JRK: variants seen among roughly 807,000 people sequenced by gnomAD.
JRK encodes the protein Jrk helix-turn-helix protein.
For synonymous variants in JRK, 303 were observed against 218.1 expected, an observed-to-expected ratio of 1.39 and a Z score of -3.43; for missense variants, 720 against 509.2, an observed-to-expected ratio of 1.41 and a Z score of -3.98.
At chr8:142,647,818 G>A in the JRK span, among the ~76,000 whole-genome samples, 1 of 152,218 alleles carries the variant, frequency 6.6e-6, no homozygotes, top group Non-Finnish European at 1.5e-5. Context: ...GCAGGGGTTG[G>A]AACAGTTTGG....
Position 142,663,496 on chromosome 8 carries a change from C to T in JRK, c.*856G>A, listed in dbSNP as rs985748493. On this transcript the variant is annotated 3_prime_UTR_variant, in exon 2 of 2. Transcript: ENST00000612905. ...CTAATCTCTGAATGTCTGATCAAGA[C>T]GTATTCATGTAAAGGCCATAAGTAT... 13 of 985,338 alleles carry T rather than the reference C, an allele frequency of 1.3e-5. No individual in the cohort carries two copies. The highest frequency in any genetic ancestry group is 6.1e-5 in the Admixed American group (1 of 16,276). 61.0% of individuals were successfully genotyped at this position (985,338 alleles called of 1,614,324 possible). A position where few individuals can be genotyped will look rare whatever the true frequency, so the allele number is the denominator to read the frequency against.
At chr8:142,669,583 C>T (rs1554636927) in intron 1 of JRK, among the ~76,000 whole-genome samples, 1 of 152,136 alleles carries the variant, frequency 6.6e-6, no homozygotes, top group Non-Finnish European at 1.5e-5. Context: ...GACCTCGTGA[C>T]CAAGCCTCTC....
At position 142,659,305 on chromosome 8, in the gene JRK, A is replaced by G. The variant is rs1461795887; in HGVS notation, c.*5047T>C. 2.2e-5 allele frequency: 23 copies of G among 1,023,846 alleles called. No homozygotes were observed. The highest frequency in any genetic ancestry group is 2.6e-5 in the Non-Finnish European group (22 of 853,482). 63.4% of individuals were successfully genotyped at this position (1,023,846 alleles called of 1,614,324 possible). A position where few individuals can be genotyped will look rare whatever the true frequency, so the allele number is the denominator to read the frequency against. On this transcript the variant is annotated 3_prime_UTR_variant, in exon 2 of 2. Coordinates refer to ENST00000612905, the MANE Select transcript of JRK (RefSeq NM_003724.4). ...GGACCAGGGCAAGACGCCTGACCCC[A>G]GAGCAGACCATGCTGACACTGGGCA...
chr8:142,653,541 T>A (rs1846701950), downstream of JRK, among the ~76,000 whole-genome samples: 1 of 150,328 alleles, frequency 6.7e-6, no homozygotes, highest in Non-Finnish European at 1.5e-5. Context: ...TCCTGGCTAT[T>A]TTTTTTTTAA....
chr8:142,664,309 G>A lies in JRK; in HGVS notation c.*43C>T, dbSNP rs781855909. 5.9e-6 allele frequency: 9 copies of A among 1,515,272 alleles called. No individual in the cohort carries two copies. The highest frequency in any genetic ancestry group is 6.2e-6 in the Non-Finnish European group (7 of 1,130,574). The allele number at this position is 1,515,272 out of a possible 1,614,324, so 93.9% of individuals were successfully genotyped here. On this transcript the variant is annotated 3_prime_UTR_variant, in exon 2 of 2. Coordinates refer to ENST00000612905, the MANE Select transcript of JRK (RefSeq NM_003724.4). ...ACAGGACCATGCCACTCCAGGGTGT[G>A]GGGAGAAACAGGGCCAGTGGCCAGG...
chr8:142,646,470 G>T, the JRK span, among the ~76,000 whole-genome samples: 1 of 152,314 alleles, frequency 6.6e-6, no homozygotes, highest in South Asian at 2.1e-4. Flanking sequence ...TCTTATTAAA[G>T]ATTACACAAG....
In JRK at chr8:142,664,140, G is replaced by A. The variant is rs956661952; in HGVS notation, c.*212C>T. 1.5e-6 allele frequency: 2 copies of A among 1,331,962 alleles called. No individual in the cohort carries two copies. Among genetic ancestry groups the A allele is most frequent in the East Asian group, 2.8e-5 (1 of 36,270 alleles). 82.5% of individuals were successfully genotyped at this position (1,331,962 alleles called of 1,614,324 possible). ...CATTTCCTCACTTTCGGATGACACG[G>A]CAAGTGATAAAATAAAACCTGTATT... is the stretch of plus-strand genomic sequence containing the variant. On this transcript the variant is annotated 3_prime_UTR_variant, in exon 2 of 2. Coordinates refer to ENST00000612905, the MANE Select transcript of JRK (RefSeq NM_003724.4).
the JRK span, among the ~76,000 whole-genome samples, chr8:142,649,703 T>G: frequency 6.6e-6 from 1 of 152,206 alleles, no homozygotes; most frequent in South Asian, 2.1e-4. Context: ...CCACCTAGGT[T>G]TCAGAGGGTG....
In JRK at chr8:142,663,408, A is replaced by G; in HGVS notation, c.*944T>C. On this transcript the variant is annotated 3_prime_UTR_variant, in exon 2 of 2. Transcript: ENST00000612905. ...CTAACAGCTGGGGATAAGAGCACAC[A>G]TACTGCTAGAAATCTAAGCAGCCTG... 1 of 985,508 alleles carries G rather than the reference A, an allele frequency of 1.0e-6. No individual in the cohort carries two copies. Among genetic ancestry groups the G allele is most frequent in the Non-Finnish European group, 1.2e-6 (1 of 829,952 alleles). 61.0% of individuals were successfully genotyped at this position (985,508 alleles called of 1,614,324 possible).
the JRK span, among the ~76,000 whole-genome samples, chr8:142,647,115 G>A: frequency 2.0e-5 from 3 of 152,176 alleles, no homozygotes; most frequent in Non-Finnish European, 4.4e-5. Context: ...TCATATGATT[G>A]TGTAAGGAGA....
downstream of JRK, among the ~76,000 whole-genome samples, chr8:142,655,050 G>A (rs1369492381): frequency 6.6e-6 from 1 of 152,148 alleles, no homozygotes; most frequent in African/African-American, 2.4e-5. Flanking sequence ...TTGAGCCACA[G>A]CTGGAACCAT....
downstream of JRK, among the ~76,000 whole-genome samples, chr8:142,652,734 T>C (rs1384684276): frequency 2.0e-5 from 3 of 152,146 alleles, no homozygotes; most frequent in Admixed American, 6.5e-5. Flanking sequence ...GGAGCCCCAG[T>C]GTATTTTCCT....
chr8:142,650,733 G>T, the JRK span, among the ~76,000 whole-genome samples: 1 of 152,052 alleles, frequency 6.6e-6, no homozygotes. Flanking sequence ...GCCCAGTTTC[G>T]GGCATGTCTT....
Position 142,659,793 on chromosome 8 carries a change from C to A in JRK, c.*4559G>T. On this transcript the variant is annotated 3_prime_UTR_variant, in exon 2 of 2. Coordinates refer to ENST00000612905, the MANE Select transcript of JRK (RefSeq NM_003724.4). ...GAGCAGTGGAGAACGTGAGGCTGGT[C>A]ATTAGGAGCAGGTAGCCCTGGGTCT... The A allele has an allele frequency of 1.0e-6, 1 of 985,566 alleles. No individual in the cohort carries two copies. The highest frequency in any genetic ancestry group is 1.2e-6 in the Non-Finnish European group (1 of 830,020). The allele number at this position is 985,566 out of a possible 1,614,324, so 61.1% of individuals were successfully genotyped here.
In JRK at chr8:142,659,875, A is replaced by G. The variant is rs1163640783; in HGVS notation, c.*4477T>C. On this transcript the variant is annotated 3_prime_UTR_variant, in exon 2 of 2. Coordinates refer to ENST00000612905, the MANE Select transcript of JRK (RefSeq NM_003724.4). ...CTCCCTGGGCCCCAGTCTCATCCCT[A>G]AACAGGAGTGACCCCACCTCATTTC... is the stretch of plus-strand genomic sequence containing the variant. 7 of 985,458 alleles carry G rather than the reference A, an allele frequency of 7.1e-6. No individual in the cohort carries two copies. The highest frequency in any genetic ancestry group is 3.5e-5 in the African/African-American group (2 of 57,216). The allele number at this position is 985,458 out of a possible 1,614,324, so 61.0% of individuals were successfully genotyped here.
chr8:142,645,450 T>C, the JRK span, among the ~76,000 whole-genome samples: 89,971 of 151,840 alleles, frequency 0.59, 28,092 homozygotes, highest in Admixed American at 0.69. Flanking sequence ...GAGGCCGAGA[T>C]GGGCGGATCA....
Position 142,665,056 on chromosome 8 carries a change from T to C in JRK, c.1003A>G (p.Ile335Val), listed in dbSNP as rs1327332964. The C allele has an allele frequency of 2.8e-6, 2 of 716,554 alleles. No individual in the cohort carries two copies. Among genetic ancestry groups the C allele is most frequent in the Admixed American group, 4.0e-5 (2 of 49,992 alleles). The allele number at this position is 716,554 out of a possible 1,614,324, so 44.4% of individuals were successfully genotyped here. A position where few individuals can be genotyped will look rare whatever the true frequency, so the allele number is the denominator to read the frequency against. ...ASLVQPMEQG[I>V]RRDFMRNFIN... The stretch of plus-strand genomic sequence containing the variant: ...AAGTTCCTCATGAAATCTCTCCGAA[T>C]GCCCTGCTCCATGGGCTGCACCAAT... The change falls in exon 2 of 2, where the codon ATT (isoleucine) becomes GTT (valine). Residue 335 changes from isoleucine (I) to valine (V), a missense_variant. Physicochemically the swap from Ile to Val is conservative, Grantham distance 29. Transcript: ENST00000612905.
Position 142,661,155 on chromosome 8 carries a change from T to A in JRK, c.*3197A>T. ...GCACAGACAGGCCCAGGGCAAGGTC[T>A]GCTCTAGACCCTCCTATGCAGGAGA... On this transcript the variant is annotated 3_prime_UTR_variant, in exon 2 of 2. Transcript: ENST00000612905. 1.0e-6 allele frequency: 1 copy of A among 985,478 alleles called. No individual in the cohort carries two copies. The highest frequency in any genetic ancestry group is 5.2e-4 in the Middle Eastern group (1 of 1,920). 61.0% of individuals were successfully genotyped at this position (985,478 alleles called of 1,614,324 possible).
Position 142,665,478 on chromosome 8 carries a change from C to G in JRK, c.581G>C (p.Arg194Pro), listed in dbSNP as rs587720978. ...YNADETGLFW[R>P]CLPNPTPEGG... ...TTCCGGAGTGGGATTTGGCAGGCAC[C>G]GCCAGAAAAGGCCGGTCTCATCAGC... The change falls in exon 2 of 2, where the codon CGG becomes CCG. Residue 194 changes from arginine (R) to proline (P), a missense_variant. Arg to Pro is a moderately radical substitution (Grantham distance 103). Coordinates refer to ENST00000612905, the MANE Select transcript of JRK (RefSeq NM_003724.4). 2.8e-6 allele frequency: 2 copies of G among 717,974 alleles called. No homozygotes were observed. The highest frequency in any genetic ancestry group is 3.0e-5 in the South Asian group (2 of 67,606). The allele number at this position is 717,974 out of a possible 1,614,324, so 44.5% of individuals were successfully genotyped here.
Sources: gnomAD v4.1 joint callset for allele counts (sites outside exome capture counted in the v4.1 genomes callset) on GRCh38, gnomAD v4.1.1 for gene constraint, MANE v1.5 for transcripts, NCBI Gene and HGNC (gene_info 2026-07-23, HGNC 2026-07-21) for gene names.